The following HTRA1 variants were observed in gnomAD, a reference collection of about 807,000 sequenced individuals.
HTRA1 encodes serine protease HTRA1.
A neutral mutation model predicts 49.7 loss-of-function variants in HTRA1; 26 were observed. The ratio of observed to expected loss-of-function variants is 0.52; its 90% CI spans 0.38 to 0.73. HTRA1 has a LOEUF of 0.73. Among genes scored for constraint, HTRA1 ranks in the 30% least tolerant of loss-of-function variants. The pLI, the probability that HTRA1 is intolerant of heterozygous loss-of-function variation, is 0.00. For synonymous variants in HTRA1, 291 were observed against 286.9 expected, an observed-to-expected ratio of 1.01 and a Z score of -0.14; for missense variants, 561 against 667.2, an observed-to-expected ratio of 0.84 and a Z score of 1.75.
At chr10:122,509,868 A>G (rs1374540679) in intron 6 of HTRA1, among the ~76,000 whole-genome samples, 2 of 152,158 alleles carry the variant, frequency 1.3e-5, no homozygotes, top group Non-Finnish European at 2.9e-5. Context: ...GGATGAGGCC[A>G]TGAGGAATTA....
intron 3 of HTRA1, among the ~76,000 whole-genome samples, chr10:122,491,743 C>T (rs2097495961): frequency 6.6e-6 from 1 of 152,206 alleles, no homozygotes. Context: ...GGGAGTTTAG[C>T]TCTTCAGCCA....
rs2284665 is a variant in HTRA1 at position 122,467,114 on chromosome 10, G to T, written c.472+4990G>T. On this transcript the variant is annotated intron_variant, in intron 1 of 8. Coordinates refer to ENST00000368984, the MANE Select transcript of HTRA1 (RefSeq NM_002775.5). Reference sequence around the variant, plus strand: ...CCTCCGCTTTGGGGCTGGATTCTCCGTTTGGAGCTGTGTGATCCTGGATGA... The same window carrying T: ...CCTCCGCTTTGGGGCTGGATTCTCCTTTTGGAGCTGTGTGATCCTGGATGA... 0.23 allele frequency among the ~76,000 whole-genome samples: 35,749 copies of T among 152,180 alleles called. 4,382 individuals carry two copies. The highest frequency in any genetic ancestry group is 0.45 in the East Asian group (2,343 of 5,162).
At position 122,471,341 on chromosome 10, in the gene HTRA1, C is replaced by T. The variant is rs114731310; in HGVS notation, c.472+9217C>T. 1.6e-3 allele frequency among the ~76,000 whole-genome samples: 245 copies of T among 152,260 alleles called. 1 individual carries two copies. Among genetic ancestry groups the T allele is most frequent in the African/African-American group, 5.7e-3 (236 of 41,552 alleles). On this transcript the variant is annotated intron_variant, in intron 1 of 8. Transcript: ENST00000368984. Reference sequence around the variant, plus strand: ...TGGGAAGGACCATGTGCCTGGATATCGTTCTGTCTGTGGGATTCTGTGACA... The same window carrying T: ...TGGGAAGGACCATGTGCCTGGATATTGTTCTGTCTGTGGGATTCTGTGACA...
At chr10:122,508,559 A>C in intron 5 of HTRA1, 97 bp from the exon 6 acceptor site, 1 of 856,780 alleles carries the variant, frequency 1.2e-6, no homozygotes, top group South Asian at 1.3e-5. Context: ...CGATCTCTGA[A>C]ATAGCTCAGG....
At chr10:122,485,395 T>C (rs1267198193) in intron 1 of HTRA1, among the ~76,000 whole-genome samples, 2 of 152,224 alleles carry the variant, frequency 1.3e-5, no homozygotes, top group Non-Finnish European at 2.9e-5. Flanking sequence ...CTGCAGAATT[T>C]GGAGAGTCCT....
Position 122,475,738 on chromosome 10 carries a change from G to T in HTRA1, c.473-13164G>T, listed in dbSNP as rs565727642. ...TTGCAGAATTCGAGGAAATCCAGTC[G>T]CACAGGCCCCTCTGTGCCCATGTCC... On this transcript the variant is annotated intron_variant, in intron 1 of 8. Coordinates refer to ENST00000368984, the MANE Select transcript of HTRA1 (RefSeq NM_002775.5). Among the ~76,000 whole-genome samples the T allele has an allele frequency of 4.6e-5, 7 of 152,282 alleles. No homozygotes were observed. The South Asian group carries it at 1.2e-3, about 27-fold the overall frequency.
At chr10:122,503,935 C>T (rs1357055497) in intron 3 of HTRA1, among the ~76,000 whole-genome samples, 3 of 152,206 alleles carry the variant, frequency 2.0e-5, no homozygotes, top group Admixed American at 6.5e-5. Flanking sequence ...TACGTAGCCA[C>T]ATTTCCTCGT....
intron 1 of HTRA1, among the ~76,000 whole-genome samples, chr10:122,480,956 A>G (rs1275880867): frequency 6.6e-6 from 1 of 152,166 alleles, no homozygotes; most frequent in Non-Finnish European, 1.5e-5. Context: ...AGATTAAAAA[A>G]AGCTAACTGC....
chr10:122,467,355 G>A (rs2097484182), intron 1 of HTRA1, among the ~76,000 whole-genome samples: 1 of 152,150 alleles, frequency 6.6e-6, no homozygotes, highest in South Asian at 2.1e-4. Flanking sequence ...ACCTCTCGGA[G>A]CCTCGGCAGT....
intron 1 of HTRA1, among the ~76,000 whole-genome samples, chr10:122,485,911 G>C (rs980277106): frequency 1.1e-4 from 16 of 152,206 alleles, no homozygotes; most frequent in African/African-American, 3.9e-4. Flanking sequence ...CCTTTCCCCA[G>C]GAAGCTGGTC....
At chr10:122,489,726 C>A in intron 3 of HTRA1, 100 bp downstream of exon 3, 1 of 1,104,122 alleles carries the variant, frequency 9.1e-7, no homozygotes, top group Non-Finnish European at 1.3e-6. Context: ...TCTCGGGGGG[C>A]ACTGAAGCCA....
At chr10:122,479,877 A>G (rs1399956022) in intron 1 of HTRA1, among the ~76,000 whole-genome samples, 1 of 152,108 alleles carries the variant, frequency 6.6e-6, no homozygotes, top group Non-Finnish European at 1.5e-5. Context: ...GACAGAGGTG[A>G]GGCCTGCCTG....
chr10:122,466,873 G>A (rs200426057), intron 1 of HTRA1, among the ~76,000 whole-genome samples: 15 of 152,204 alleles, frequency 9.9e-5, no homozygotes, highest in African/African-American at 2.2e-4. Context: ...TGCTCTGGTC[G>A]GCTGCCTTCT....
intron 1 of HTRA1, among the ~76,000 whole-genome samples, chr10:122,471,766 G>A (rs1347388011): frequency 6.6e-6 from 1 of 152,184 alleles, no homozygotes; most frequent in Non-Finnish European, 1.5e-5. Context: ...GAGCCTTTGA[G>A]CCCTCCGCAT....
At chr10:122,483,009 C>A (rs766300211) in intron 1 of HTRA1, among the ~76,000 whole-genome samples, 8 of 150,378 alleles carry the variant, frequency 5.3e-5, no homozygotes, top group Non-Finnish European at 1.2e-4. Flanking sequence ...TTAATTCATA[C>A]TCCCCATACT....
chr10:122,495,827 C>CA (rs2097498338), intron 3 of HTRA1, among the ~76,000 whole-genome samples: 1 of 152,168 alleles, frequency 6.6e-6, no homozygotes, highest in African/African-American at 2.4e-5. Context: ...GACAGTTTAT[C>CA]AAGTGTGTGA....
At chr10:122,465,797 A>G in intron 1 of HTRA1, among the ~76,000 whole-genome samples, 1 of 152,216 alleles carries the variant, frequency 6.6e-6, no homozygotes, top group East Asian at 1.9e-4. Context: ...GCTCTTGAAG[A>G]GAGAAAGCCC....
In HTRA1 at chr10:122,464,656, T is replaced by A. The variant is rs1051994882; in HGVS notation, c.472+2532T>A. On this transcript the variant is annotated intron_variant, in intron 1 of 8. Transcript: ENST00000368984. The surrounding 1 kb of genome is among the most constrained non-coding windows in gnomAD (Gnocchi z 4.8). ...TGCGCCCCCTCTCTGGATCTCACAC[T>A]CCACCCTTGACTTTTCGGAGGTGTT... is the stretch of plus-strand genomic sequence containing the variant. Among the ~76,000 whole-genome samples the A allele has an allele frequency of 2.6e-5, 4 of 152,202 alleles. No individual in the cohort carries two copies. The highest frequency in any genetic ancestry group is 2.0e-4 in the Admixed American group (3 of 15,284).
rs1158094246 is a variant in HTRA1, at chr10:122,487,974, A to G, written c.473-928A>G. ...CACCCACAGTCTTAAGGCACCTCTT[A>G]TGCCTTTTGTCTGGGATGTCCCGGG... is the stretch of plus-strand genomic sequence containing the variant. On this transcript the variant is annotated intron_variant, in intron 1 of 8. Transcript: ENST00000368984. This position sits in a 1 kb window ranked among gnomAD's most constrained non-coding sequence, Gnocchi z 4.8. Among the ~76,000 whole-genome samples, 1 of 152,172 alleles carries G rather than the reference A, an allele frequency of 6.6e-6. No individual in the cohort carries two copies. The highest frequency in any genetic ancestry group is 1.5e-5 in the Non-Finnish European group (1 of 68,036).
Sources: gnomAD v4.1 joint callset for allele counts (sites outside exome capture counted in the v4.1 genomes callset) on GRCh38, gnomAD v4.1.1 for gene constraint, Gnocchi (gnomAD v3.1) non-coding constraint, MANE v1.5 for transcripts, NCBI Gene and HGNC (gene_info 2026-07-23, HGNC 2026-07-21) for gene names.